SLC25A14: variants seen among roughly 807,000 people sequenced by gnomAD.
SLC25A14 encodes the protein solute carrier family 25 member 14, also known as brain mitochondrial carrier protein 1.
A neutral mutation model predicts 28.1 loss-of-function variants in SLC25A14; 8 were observed. The ratio of observed to expected loss-of-function variants is 0.28; its 90% CI spans 0.17 to 0.51. The LOEUF is 0.51. Among genes scored for constraint, SLC25A14 ranks in the 20% least tolerant of loss-of-function variants. The probability of loss-of-function intolerance (pLI) is 0.97; values close to 1 mark genes in which losing one functional copy is unlikely to be tolerated. For synonymous variants in SLC25A14, 74 were observed against 90.6 expected, an observed-to-expected ratio of 0.82 and a Z score of 1.04; for missense variants, 135 against 263.8, an observed-to-expected ratio of 0.51 and a Z score of 3.38.
chrX:130,355,585 A>G (rs1178460968), intron 6 of SLC25A14, among the ~76,000 whole-genome samples: 1 of 111,933 alleles, frequency 8.9e-6, no homozygotes, highest in Admixed American at 9.5e-5. Flanking sequence ...ATATTTTTCT[A>G]TATAACCATG....
chrX:130,345,359 T>TA (rs1350677482), intron 3 of SLC25A14, 84 bp downstream of exon 3: 3 of 611,429 alleles, frequency 4.9e-6, no homozygotes, highest in African/African-American at 2.3e-5. Flanking sequence ...GAAAGCTAGG[T>TA]AAAAAATAAG....
In SLC25A14 at chrX:130,345,258, C is replaced by G; in HGVS notation, c.152C>G (p.Ser51Cys). The G allele has an allele frequency of 8.5e-7, 1 of 1,180,368 alleles. No individual in the cohort carries two copies. The highest frequency in any genetic ancestry group is 1.2e-6 in the Non-Finnish European group (1 of 867,022). ...CCCTTTGTATATGGCGGCCTTGCCT[C>G]TATCGTGGCTGAGTTTGGTAAGAAT... ...WKPFVYGGLASIVAEFGTFPV... is the reference protein window; with the variant it reads ...WKPFVYGGLACIVAEFGTFPV... Residue 51 changes from serine (S) to cysteine (C), a missense_variant, in exon 3 of 11, where the codon TCT (serine) becomes TGT (cysteine). Transcript: ENST00000545805.
intron 5 of SLC25A14, among the ~76,000 whole-genome samples, chrX:130,350,031 G>A (rs59626676): frequency 0.14 from 15,550 of 110,866 alleles, 974 homozygotes; most frequent in African/African-American, 0.24. Flanking sequence ...GGTCTTCATG[G>A]TGTGAAGGAG....
At chrX:130,351,339 T>G (rs960367338) in intron 6 of SLC25A14, among the ~76,000 whole-genome samples, 8 of 111,285 alleles carry the variant, frequency 7.2e-5, no homozygotes, top group Non-Finnish European at 1.5e-4. Flanking sequence ...TTTCCCTGTC[T>G]TATTAATATT....
At chrX:130,344,624 G>A (rs2033371139) in intron 2 of SLC25A14, among the ~76,000 whole-genome samples, 1 of 111,820 alleles carries the variant, frequency 8.9e-6, no homozygotes. Flanking sequence ...GCGCTAGAAG[G>A]AAGGTGAAAA....
chrX:130,365,141 T>C (rs1324913043), intron 8 of SLC25A14: 1 of 810,979 alleles, frequency 1.2e-6, no homozygotes, highest in Non-Finnish European at 1.5e-6. Context: ...GCACAGTTTT[T>C]TGGCTAAAGA....
In SLC25A14 at chrX:130,365,718, G is replaced by T. The variant is rs780509122; in HGVS notation, c.855+42G>T. The T allele has an allele frequency of 1.0e-5, 10 of 998,447 alleles. No homozygotes were observed. In the South Asian group the frequency reaches 1.8e-4, roughly 18 times the overall value. The allele number at this position is 998,447 out of a possible 1,213,427, so 82.3% of individuals were successfully genotyped here. On this transcript the variant is annotated intron_variant, in intron 9 of 10. Transcript: ENST00000545805. Reference sequence around the variant, plus strand: ...TTTGGGTTACAATTTGGCTTTCTTTGATGTCTTAGACCTTCCTTCAGTTCT... The same window carrying T: ...TTTGGGTTACAATTTGGCTTTCTTTTATGTCTTAGACCTTCCTTCAGTTCT...
chrX:130,348,610 AT>A (rs919624919), intron 4 of SLC25A14, among the ~76,000 whole-genome samples: 7 of 106,758 alleles, frequency 6.6e-5, no homozygotes, highest in African/African-American at 1.4e-4. Flanking sequence ...AATTTTGTTG[AT>A]TTTTTTTTAA....
intron 10 of SLC25A14, among the ~76,000 whole-genome samples, chrX:130,372,465 TTTTA>T (rs1338727528): frequency 5.8e-5 from 3 of 52,139 alleles, no homozygotes; most frequent in African/African-American, 1.5e-4. Context: ...ATTTATTTAT[TTTTA>T]TTTTTTTTTT....
At chrX:130,340,421 C>G (rs2033211818) in intron 2 of SLC25A14, 68 bp downstream of exon 2, 3 of 1,125,978 alleles carry the variant, frequency 2.7e-6, no homozygotes, top group Admixed American at 2.2e-5. Flanking sequence ...TCGGTTTCTA[C>G]CCCCTGTCAC....
chrX:130,346,421 CTCT>C, intron 3 of SLC25A14, 120 bp from the exon 4 acceptor site: 1 of 532,382 alleles, frequency 1.9e-6, no homozygotes, highest in South Asian at 3.1e-5. Context: ...TCTACTAGAG[CTCT>C]TCTATGTGTT....
At chrX:130,356,166 T>C (rs1452912159) in intron 6 of SLC25A14, among the ~76,000 whole-genome samples, 1 of 110,130 alleles carries the variant, frequency 9.1e-6, no homozygotes, top group Non-Finnish European at 1.9e-5. Context: ...GATTTTCTAA[T>C]TCCATCATTC....
At chrX:130,346,893 A>G (rs759563744) in intron 4 of SLC25A14, among the ~76,000 whole-genome samples, 2 of 111,614 alleles carry the variant, frequency 1.8e-5, no homozygotes, top group East Asian at 5.6e-4. Context: ...TGATAATAAC[A>G]TTTTAAAATG....
intron 6 of SLC25A14, among the ~76,000 whole-genome samples, chrX:130,353,108 C>T (rs2033669371): frequency 1.8e-5 from 2 of 111,609 alleles, no homozygotes; most frequent in South Asian, 7.6e-4. Flanking sequence ...AGGTAGGGGC[C>T]CAGTTTTATT....
intron 4 of SLC25A14, 104 bp from the exon 5 acceptor site, chrX:130,349,144 TCTG>T: frequency 1.2e-5 from 5 of 419,296 alleles, no homozygotes; most frequent in Non-Finnish European, 1.2e-5. Context: ...AAAATCATAT[TCTG>T]CTGTTGTTGG....
intron 6 of SLC25A14, among the ~76,000 whole-genome samples, chrX:130,354,963 G>A (rs905962977): frequency 8.9e-6 from 1 of 111,968 alleles, no homozygotes; most frequent in Admixed American, 9.4e-5. Flanking sequence ...CTTTTGATTT[G>A]TCAAAAATAA....
chrX:130,369,631 T>A (rs1185374060), intron 9 of SLC25A14, among the ~76,000 whole-genome samples: 1 of 112,301 alleles, frequency 8.9e-6, no homozygotes, highest in Non-Finnish European at 1.9e-5. Context: ...AGCTGAGATC[T>A]GAATGATGAT....
At chrX:130,358,297 T>G (rs2033856546) in intron 6 of SLC25A14, among the ~76,000 whole-genome samples, 1 of 111,858 alleles carries the variant, frequency 8.9e-6, no homozygotes, top group African/African-American at 3.2e-5. Context: ...TTTTGGATAT[T>G]AAGTTGTTTC....
intron 9 of SLC25A14, among the ~76,000 whole-genome samples, chrX:130,367,751 T>C (rs1265504512): frequency 8.9e-6 from 1 of 112,451 alleles, no homozygotes; most frequent in Non-Finnish European, 1.9e-5. Context: ...TGACAATTAC[T>C]GGTGTAGAGG....
Sources: gnomAD v4.1 joint callset for allele counts (sites outside exome capture counted in the v4.1 genomes callset) on GRCh38, gnomAD v4.1.1 for gene constraint, MANE v1.5 for transcripts, NCBI Gene and HGNC (gene_info 2026-07-23, HGNC 2026-07-21) for gene names.